The following RPH3A variants were observed in gnomAD, a reference collection of about 807,000 sequenced individuals.
RPH3A encodes the protein rabphilin-3A.
RPH3A carries 48 observed loss-of-function variants against 102.2 expected under a neutral mutation model. The observed-to-expected ratio is 0.47, with a 90% CI of 0.37 to 0.60. The LOEUF (loss-of-function observed/expected upper bound fraction) is 0.60, where lower values mean the gene tolerates loss of function less well. RPH3A is among the 20% of genes least tolerant of loss of function. RPH3A has a pLI of 0.00. For synonymous variants in RPH3A, 310 were observed against 324.3 expected, an observed-to-expected ratio of 0.96 and a Z score of 0.47; for missense variants, 781 against 910.1, an observed-to-expected ratio of 0.86 and a Z score of 1.83.
At chr12:112,833,911 A>G (rs1485079521) in intron 3 of RPH3A, among the ~76,000 whole-genome samples, 1 of 152,018 alleles carries the variant, frequency 6.6e-6, no homozygotes, top group African/African-American at 2.4e-5. Flanking sequence ...TTTTTTAAAT[A>G]GAGATGAGGT....
intron 16 of RPH3A, among the ~76,000 whole-genome samples, chr12:112,887,174 A>G (rs2043015140): frequency 6.6e-6 from 1 of 152,228 alleles, no homozygotes; most frequent in Non-Finnish European, 1.5e-5. Context: ...AGAAATATGT[A>G]CATGTATATC....
chr12:112,786,990 G>T (rs1255614646), upstream of RPH3A, among the ~76,000 whole-genome samples: 3 of 151,966 alleles, frequency 2.0e-5, no homozygotes, highest in Non-Finnish European at 4.4e-5. Flanking sequence ...TTCCTTACCT[G>T]GTAGCTTCTT....
At chr12:112,873,645 A>T (rs1042155267) in intron 10 of RPH3A, among the ~76,000 whole-genome samples, 1 of 152,198 alleles carries the variant, frequency 6.6e-6, no homozygotes, top group African/African-American at 2.4e-5. Flanking sequence ...ATTTGGACAG[A>T]AGTCCTACCT....
At chr12:112,765,260 G>GTC (rs1338195934) in intron 1 of RPH3A, among the ~76,000 whole-genome samples, 1 of 151,686 alleles carries the variant, frequency 6.6e-6, no homozygotes, top group African/African-American at 2.4e-5. Context: ...GTGTGTGTGT[G>GTC]TGTGTGTGTG....
intron 1 of RPH3A, among the ~76,000 whole-genome samples, chr12:112,654,054 GGGC>G (rs2039994186): frequency 6.6e-6 from 1 of 152,060 alleles, no homozygotes; most frequent in African/African-American, 2.4e-5. Context: ...AGATCTTCAG[GGGC>G]AAGAACTTGC....
At chr12:112,712,312 T>A (rs2040468229) in intron 1 of RPH3A, among the ~76,000 whole-genome samples, 1 of 152,198 alleles carries the variant, frequency 6.6e-6, no homozygotes, top group Admixed American at 6.5e-5. Context: ...TTGATTTGGA[T>A]GAATTGATGT....
intron 1 of RPH3A, among the ~76,000 whole-genome samples, chr12:112,597,784 T>C (rs951619255): frequency 3.3e-5 from 5 of 152,136 alleles, no homozygotes; most frequent in African/African-American, 1.2e-4. Context: ...TGAGACTCTA[T>C]AGAAGTCTCA....
chr12:112,796,171 G>T (rs548723119), intron 2 of RPH3A, among the ~76,000 whole-genome samples: 2 of 152,164 alleles, frequency 1.3e-5, no homozygotes, highest in African/African-American at 2.4e-5. Flanking sequence ...TCATGAGCCT[G>T]GGGGGTAGGC....
chr12:112,575,481 G>A (rs1379594871), intron 1 of RPH3A, among the ~76,000 whole-genome samples: 1 of 149,654 alleles, frequency 6.7e-6, no homozygotes, highest in Non-Finnish European at 1.5e-5. Context: ...AGAACCGGGG[G>A]TGGGGCGACG....
intron 1 of RPH3A, among the ~76,000 whole-genome samples, chr12:112,646,549 C>T (rs141568978): frequency 6.6e-6 from 1 of 152,294 alleles, no homozygotes; most frequent in African/African-American, 2.4e-5. Context: ...TCACACTCCT[C>T]CCAGCCACCT....
chr12:112,865,411 C>T lies in RPH3A; in HGVS notation c.231-3C>T, dbSNP rs747620810. 5.6e-6 allele frequency: 9 copies of T among 1,613,680 alleles called. No homozygotes were observed. Among genetic ancestry groups the T allele is most frequent in the Middle Eastern group, 1.7e-4 (1 of 6,040 alleles). On this transcript the variant is annotated splice_polypyrimidine_tract_variant and splice_region_variant and intron_variant, in intron 5 of 21. Coordinates refer to ENST00000389385, the MANE Select transcript of RPH3A (RefSeq NM_001143854.2). ...TCCTTATTTACCTTGTCTCTGCTTC[C>T]AGACGCCTGGTGGACCGCCTAGAAA...
intron 1 of RPH3A, among the ~76,000 whole-genome samples, chr12:112,601,967 G>A (rs2135969172): frequency 6.6e-6 from 1 of 152,094 alleles, no homozygotes; most frequent in South Asian, 2.1e-4. Context: ...CAGCCAAATA[G>A]GTAATAAAAG....
At chr12:112,843,950 CA>C (rs1275313949) in intron 4 of RPH3A, among the ~76,000 whole-genome samples, 2 of 152,088 alleles carry the variant, frequency 1.3e-5, no homozygotes, top group Non-Finnish European at 2.9e-5. Context: ...TGGGAAGAAA[CA>C]GCAGGCTGAG....
At chr12:112,791,034 T>C (rs961823019), upstream of RPH3A, 8 of 152,210 alleles carry the variant, frequency 5.3e-5, no homozygotes, top group African/African-American at 1.9e-4. Flanking sequence ...TTGGAAACAT[T>C]AAATGACTTT....
intron 4 of RPH3A, among the ~76,000 whole-genome samples, chr12:112,840,614 T>G (rs565914305): frequency 6.6e-6 from 1 of 152,300 alleles, no homozygotes; most frequent in African/African-American, 2.4e-5. Flanking sequence ...TGAGAAGTGA[T>G]GAACTCTATC....
intron 1 of RPH3A, among the ~76,000 whole-genome samples, chr12:112,756,728 T>C (rs538815099): frequency 2.6e-3 from 390 of 152,348 alleles, no homozygotes; most frequent in African/African-American, 8.7e-3. Flanking sequence ...TACATCATTT[T>C]GTGCAAGTCC....
chr12:112,776,479 G>T (rs2040966308), intron 1 of RPH3A, among the ~76,000 whole-genome samples: 1 of 152,020 alleles, frequency 6.6e-6, no homozygotes, highest in Non-Finnish European at 1.5e-5. Flanking sequence ...AGGAAGCCTT[G>T]GTTCTATCTT....
At chr12:112,630,040 G>A (rs2039793039) in intron 1 of RPH3A, among the ~76,000 whole-genome samples, 1 of 152,014 alleles carries the variant, frequency 6.6e-6, no homozygotes, top group South Asian at 2.1e-4. Context: ...TCCCTTCAAT[G>A]TGAAGTCCAT....
Position 112,640,420 on chromosome 12 carries a change from C to G in RPH3A, c.-140+65101C>G, listed in dbSNP as rs1208928052. On this transcript the variant is annotated intron_variant, in intron 1 of 21. Transcript: ENST00000543106. ...CCTTAACCACTGTACTACACAGTCT[C>G]TAATAACTAGGGGCTTATTAATGAT... Among the ~76,000 whole-genome samples, 6 of 140,386 alleles carry G rather than the reference C, an allele frequency of 4.3e-5. No individual in the cohort carries two copies. In the East Asian group the frequency reaches 1.5e-3, roughly 36 times the overall value. 92.1% of individuals were successfully genotyped at this position (140,386 alleles called of 152,430 possible).
Sources: allele counts gnomAD v4.1 joint callset (sites outside exome capture counted in the v4.1 genomes callset), GRCh38; gene constraint gnomAD v4.1.1; transcripts MANE v1.5; gene names NCBI Gene and HGNC (gene_info 2026-07-23, HGNC 2026-07-21).